Variants in RPL4 observed in about 807,000 individuals in gnomAD.
The protein encoded by RPL4 is ribosomal protein L4.
In RPL4, 3 loss-of-function variants were observed where a neutral mutation model predicts 47.7. That is an observed-to-expected ratio of 0.06 (90% CI 0.03 to 0.16). The LOEUF (loss-of-function observed/expected upper bound fraction) is 0.16. Among genes scored for constraint, RPL4 ranks in the 10% least tolerant of loss-of-function variants. The pLI is 1.00. For missense variants in RPL4, 413 were observed against 551.3 expected (o/e 0.75, Z 2.51); for synonymous variants, 208 against 182.1 (o/e 1.14, Z -1.15).
At chr15:66,504,441 G>A (rs768611296) in intron 1 of RPL4, among the ~76,000 whole-genome samples, 2 of 152,196 alleles carry the variant, frequency 1.3e-5, no homozygotes, top group African/African-American at 2.4e-5. Flanking sequence ...TAGGCGAAGA[G>A]AACCAGAAAG....
intron 7 of RPL4, 32 bp downstream of exon 7, chr15:66,500,917 A>G (rs1395452237): frequency 1.3e-6 from 2 of 1,596,666 alleles, no homozygotes; most frequent in Non-Finnish European, 1.7e-6. Context: ...CACAATATAA[A>G]CATCTGTGCT....
rs1490703269 is a variant in RPL4 at position 66,499,068 on chromosome 15, G to C, written c.*339C>G. The C allele has an allele frequency of 4.5e-6, 1 of 221,684 alleles. No individual in the cohort carries two copies. Among genetic ancestry groups the C allele is most frequent in the East Asian group, 1.2e-4 (1 of 8,584 alleles). 13.7% of individuals were successfully genotyped at this position (221,684 alleles called of 1,614,324 possible). A position where few individuals can be genotyped will look rare whatever the true frequency, so the allele number is the denominator to read the frequency against. Reference sequence around the variant, plus strand: ...ACAGAATTTAACCTATTTTCCATCTGGTGGGGAGCTAAACTTGAACAGCCT... The same window carrying C: ...ACAGAATTTAACCTATTTTCCATCTCGTGGGGAGCTAAACTTGAACAGCCT... On this transcript the variant is annotated 3_prime_UTR_variant, in exon 10 of 10. Coordinates refer to ENST00000307961, the MANE Select transcript of RPL4 (RefSeq NM_000968.4).
intron 9 of RPL4, 103 bp downstream of exon 9, chr15:66,499,953 G>A (rs1167907577): frequency 2.2e-6 from 3 of 1,394,210 alleles, no homozygotes; most frequent in Middle Eastern, 2.6e-4. Context: ...AACTTGGTAG[G>A]TGGAGGTTGC....
chr15:66,504,741 T>C, intron 1 of RPL4, 47 bp downstream of exon 1: 1 of 1,608,498 alleles, frequency 6.2e-7, no homozygotes, highest in East Asian at 2.2e-5. Flanking sequence ...CCTTCCTTAC[T>C]GGCCCCGAGA....
chr15:66,500,515 C>T lies in RPL4; in HGVS notation c.834-139G>A, dbSNP rs536765807. On this transcript the variant is annotated intron_variant, in intron 7 of 9. Coordinates refer to ENST00000307961, the MANE Select transcript of RPL4 (RefSeq NM_000968.4). ...CACTTCTCATAAACATGGACCAGGC[C>T]GGGTGTGGTGGCTCACCCCTATAAT... 12 of 767,042 alleles carry T rather than the reference C, an allele frequency of 1.6e-5. No individual in the cohort carries two copies. In the South Asian group the frequency reaches 1.6e-4, roughly 10 times the overall value. 47.5% of individuals were successfully genotyped at this position (767,042 alleles called of 1,614,324 possible).
intron 4 of RPL4, chr15:66,502,145 T>C (rs1319334230): frequency 3.0e-6 from 2 of 664,326 alleles, no homozygotes; most frequent in East Asian, 6.0e-5. Flanking sequence ...GTTGGAAGTT[T>C]TCTAAGGATA....
chr15:66,504,806 C>G lies in RPL4; in HGVS notation c.-16G>C, dbSNP rs761648962. 6.2e-7 allele frequency: 1 copy of G among 1,611,476 alleles called. No homozygotes were observed. The highest frequency in any genetic ancestry group is 8.5e-7 in the Non-Finnish European group (1 of 1,179,300). On this transcript the variant is annotated 5_prime_UTR_variant, in exon 1 of 10. Coordinates refer to ENST00000307961, the MANE Select transcript of RPL4 (RefSeq NM_000968.4). ...CACTCACCATGGCGGAGAGAGGAGA[C>G]AGCCACGCTCCTCTCAGCCCGGCTG...
rs1409684730 is a variant in RPL4 at position 66,502,769 on chromosome 15, A to C, written c.283-19T>G. The C allele has an allele frequency of 5.0e-6, 8 of 1,613,968 alleles. No homozygotes were observed. Among genetic ancestry groups the C allele is most frequent in the Non-Finnish European group, 5.9e-6 (7 of 1,179,964 alleles). ...GACACATCTATTTTTCCAGTCAAGA[A>C]TCACATTTCTCAAATTTTAGTAATT... On this transcript the variant is annotated intron_variant, in intron 3 of 9. Transcript: ENST00000307961.
intron 4 of RPL4, chr15:66,502,117 C>T (rs774710086): frequency 2.9e-5 from 22 of 746,396 alleles, no homozygotes; most frequent in Admixed American, 3.6e-5. Context: ...GCGATGGGTA[C>T]GCAACAGGCA....
At position 66,500,313 on chromosome 15, in the gene RPL4, T is replaced by C. The variant is rs1217894321; in HGVS notation, c.897A>G (p.Gln299=). The C allele has an allele frequency of 6.2e-7, 1 of 1,614,156 alleles. No individual in the cohort carries two copies. Among genetic ancestry groups the C allele is most frequent in the South Asian group, 1.1e-5 (1 of 91,074 alleles). The change falls in exon 8 of 10, where the codon CAA becomes CAG. Residue 299 remains glutamine (Q), a synonymous_variant. Coordinates refer to ENST00000307961, the MANE Select transcript of RPL4 (RefSeq NM_000968.4). Reference sequence around the variant, plus strand: ...TTTACCGTGGTGCTCGAAGGGCTCTTTGGATCTCTGGGCTTTTCAAGATTC... The same window carrying C: ...TTTACCGTGGTGCTCGAAGGGCTCTCTGGATCTCTGGGCTTTTCAAGATTC... The part of the protein sequence containing the change: ...LSRILKSPEI[Q]RALRAPRKKI...
intron 7 of RPL4, 172 bp downstream of exon 7, chr15:66,500,777 G>A: frequency 1.4e-6 from 1 of 733,856 alleles, no homozygotes; most frequent in East Asian, 2.8e-5. Context: ...GAACAACTCT[G>A]TCTCAAAAAC....
intron 4 of RPL4, 178 bp from the exon 5 acceptor site, chr15:66,502,090 G>T: frequency 1.1e-6 from 1 of 889,182 alleles, no homozygotes; most frequent in Non-Finnish European, 1.9e-6. Flanking sequence ...TCATCATTTT[G>T]ACAGTTAAAT....
intron 1 of RPL4, 85 bp from the exon 2 acceptor site, chr15:66,503,614 C>T (rs117960322): frequency 0.01 from 14,260 of 1,387,706 alleles, 84 homozygotes; most frequent in Non-Finnish European, 0.012. Context: ...CCATTAAATA[C>T]TCAATTGCAG....
Position 66,502,627 on chromosome 15 carries a change from G to A in RPL4, c.406C>T (p.Leu136=). 2.5e-6 allele frequency: 4 copies of A among 1,612,710 alleles called. No homozygotes were observed. Among genetic ancestry groups the A allele is most frequent in the South Asian group, 1.1e-5 (1 of 91,012 alleles). Residue 136 remains leucine (L), a synonymous_variant, in exon 4 of 10, where the codon CTG becomes TTG. Coordinates refer to ENST00000307961, the MANE Select transcript of RPL4 (RefSeq NM_000968.4). The part of the protein sequence containing the change: ...SALAASALPA[L]VMSKGHRIEE... ...TATTACAAACCTTTAGACATGACCA[G>A]TGCTGGTAGGGCTGAGGCAGCCAGG...
intron 8 of RPL4, 53 bp from the exon 9 acceptor site, chr15:66,500,229 A>G: frequency 6.2e-7 from 1 of 1,613,566 alleles, no homozygotes. Flanking sequence ...ATACACATAC[A>G]AATTTTTGAA....
chr15:66,499,810 G>A (rs1216886551), intron 9 of RPL4, 158 bp from the exon 10 acceptor site: 2 of 1,049,254 alleles, frequency 1.9e-6, no homozygotes, highest in African/African-American at 1.6e-5. Flanking sequence ...AATCACCTGA[G>A]GTCAGGAGTT....
At chr15:66,502,344 T>A in intron 4 of RPL4, 1 of 434,534 alleles carries the variant, frequency 2.3e-6, no homozygotes, top group Non-Finnish European at 4.1e-6. Flanking sequence ...GTATCACTGA[T>A]ACGAAATATT....
At chr15:66,504,658 A>G (rs1457826714) in intron 1 of RPL4, 130 bp downstream of exon 1, 1 of 1,375,972 alleles carries the variant, frequency 7.3e-7, no homozygotes, top group African/African-American at 1.4e-5. Flanking sequence ...CCACACCAGA[A>G]AAAGACGCCT....
chr15:66,501,937 T>C, intron 4 of RPL4, 25 bp from the exon 5 acceptor site: 1 of 1,596,192 alleles, frequency 6.3e-7, no homozygotes, highest in Non-Finnish European at 8.5e-7. Flanking sequence ...TGACACTTAC[T>C]TGGTTATCCT....
Sources: gnomAD v4.1 joint callset for allele counts (sites outside exome capture counted in the v4.1 genomes callset) on GRCh38, gnomAD v4.1.1 for gene constraint, MANE v1.5 for transcripts, NCBI Gene and HGNC (gene_info 2026-07-23, HGNC 2026-07-21) for gene names.